Variants in DNM1L observed in about 807,000 individuals in gnomAD.
DNM1L encodes dynamin-1-like protein.
DNM1L carries 33 observed loss-of-function variants against 92.8 expected under a neutral mutation model. The observed-to-expected ratio is 0.36, with a 90% confidence interval of 0.27 to 0.48. The LOEUF (loss-of-function observed/expected upper bound fraction) is 0.48. Ranked by LOEUF, DNM1L falls within the 20% of genes least tolerant of loss-of-function variation. The pLI, the probability that DNM1L is intolerant of heterozygous loss-of-function variation, is 0.99. For synonymous variants in DNM1L, 284 were observed against 305.0 expected (o/e 0.93, Z 0.72); for missense variants, 485 against 888.8 (o/e 0.55, Z 5.78).
chr12:32,718,875 T>C (rs1379152717), intron 7 of DNM1L, 112 bp downstream of exon 7: 1 of 1,411,674 alleles, frequency 7.1e-7, no homozygotes, highest in Non-Finnish European at 1.0e-6. Context: ...TGTGATGCTG[T>C]ACTATATTTT....
At chr12:32,710,803 TA>T (rs989016825) in intron 4 of DNM1L, 125 bp from the exon 5 acceptor site, 49 of 815,008 alleles carry the variant, frequency 6.0e-5, no homozygotes, top group East Asian at 8.4e-5. Flanking sequence ...TTTTGATTGT[TA>T]AAAAAAAGTT....
At chr12:32,718,872 C>G (rs1760795205) in intron 7 of DNM1L, 109 bp downstream of exon 7, 4 of 1,419,870 alleles carry the variant, frequency 2.8e-6, no homozygotes, top group Non-Finnish European at 3.0e-6. Flanking sequence ...AAATGTGATG[C>G]TGTACTATAT....
At chr12:32,729,508 T>G (rs1954400028) in intron 9 of DNM1L, among the ~76,000 whole-genome samples, 1 of 152,212 alleles carries the variant, frequency 6.6e-6, no homozygotes. Flanking sequence ...GAGGCTGGAA[T>G]GCAGTGGCAC....
intron 18 of DNM1L, among the ~76,000 whole-genome samples, chr12:32,741,774 G>A (rs968790066): frequency 1.3e-5 from 2 of 152,162 alleles, no homozygotes; most frequent in African/African-American, 4.8e-5. Context: ...ATTCAGTACA[G>A]TAACATGCTG....
chr12:32,738,305 C>G lies in DNM1L; in HGVS notation c.1707+9C>G. The G allele has an allele frequency of 6.2e-7, 1 of 1,613,536 alleles. No homozygotes were observed. Among genetic ancestry groups the G allele is most frequent in the Non-Finnish European group, 8.5e-7 (1 of 1,179,680 alleles). On this transcript the variant is annotated intron_variant, in intron 16 of 19. Coordinates refer to ENST00000549701, the MANE Select transcript of DNM1L (RefSeq NM_012062.5). ...GAAGAGAAACTAAAAATGTGAGTCT[C>G]TTGCTTCAGAATGGAAATGTTGGTA... is the stretch of plus-strand genomic sequence containing the variant.
chr12:32,681,591 A>G (rs1434412242), intron 1 of DNM1L, among the ~76,000 whole-genome samples: 1 of 12,138 alleles, frequency 8.2e-5, no homozygotes, highest in Non-Finnish European at 1.7e-4. Flanking sequence ...TTTTCTCCCC[A>G]CACCGCCCCC....
At chr12:32,713,811 T>TA (rs994716712) in intron 6 of DNM1L, among the ~76,000 whole-genome samples, 12 of 151,966 alleles carry the variant, frequency 7.9e-5, no homozygotes, top group African/African-American at 2.2e-4. Flanking sequence ...CTCTGTCTGT[T>TA]AAAAAAAACC....
chr12:32,742,339 A>G (rs561785286), intron 18 of DNM1L, among the ~76,000 whole-genome samples: 1 of 152,292 alleles, frequency 6.6e-6, no homozygotes, highest in South Asian at 2.1e-4. Flanking sequence ...CCTGGCCTCA[A>G]GCAGTCCACC....
chr12:32,731,121 T>C lies in DNM1L; in HGVS notation c.1187T>C (p.Ile396Thr). 6.2e-7 allele frequency: 1 copy of C among 1,614,050 alleles called. No individual in the cohort carries two copies. The highest frequency in any genetic ancestry group is 8.5e-7 in the Non-Finnish European group (1 of 1,179,992). ...AACACTATTGACATTTTGACTGCCATTAGAAATGCTACTGTGAGTATGTTT... is the reference window on the plus strand; with the variant it reads ...AACACTATTGACATTTTGACTGCCACTAGAAATGCTACTGTGAGTATGTTT... ...GLNTIDILTA[I>T]RNATGPRPAL... Residue 396 changes from isoleucine to threonine, a missense_variant, in exon 10 of 20, where the codon ATT becomes ACT. Ile to Thr is a moderately conservative substitution (Grantham distance 89). Transcript: ENST00000549701. This position sits in a 1 kb window ranked among gnomAD's most constrained non-coding sequence, Gnocchi z 5.1.
chr12:32,707,810 G>A (rs1952983884), intron 3 of DNM1L, among the ~76,000 whole-genome samples: 1 of 151,932 alleles, frequency 6.6e-6, no homozygotes, highest in Non-Finnish European at 1.5e-5. Context: ...AATTAGCCCC[G>A]CGTGGTGGCA....
chr12:32,726,378 C>T (rs1954139127), intron 9 of DNM1L: 2 of 1,574,770 alleles, frequency 1.3e-6, no homozygotes, highest in East Asian at 2.2e-5. Context: ...ATATATCCTG[C>T]TTCACTGCTG....
intron 1 of DNM1L, among the ~76,000 whole-genome samples, chr12:32,695,295 A>G (rs1952394642): frequency 6.6e-6 from 1 of 152,220 alleles, no homozygotes; most frequent in South Asian, 2.1e-4. Context: ...TTTTTGAAGA[A>G]AAACAAGACC....
In DNM1L at chr12:32,679,405, C is replaced by G; in HGVS notation, c.42C>G (p.Val14=). 6.2e-7 allele frequency: 1 copy of G among 1,613,868 alleles called. No homozygotes were observed. The highest frequency in any genetic ancestry group is 8.5e-7 in the Non-Finnish European group (1 of 1,179,928). Residue 14 remains valine, a synonymous_variant, in exon 1 of 20, where the codon GTC becomes GTG. Coordinates refer to ENST00000549701, the MANE Select transcript of DNM1L (RefSeq NM_012062.5). ...CTGTCATAAACAAGCTCCAGGACGT[C>G]TTCAACACGGTGGGCGCCGACATCA... The part of the protein sequence containing the change: ...LIPVINKLQD[V]FNTVGADIIQ...
At chr12:32,743,052 C>T (rs1265393464) in intron 19 of DNM1L, among the ~76,000 whole-genome samples, 3 of 151,834 alleles carry the variant, frequency 2.0e-5, no homozygotes, top group African/African-American at 7.3e-5. Context: ...CCCACCACCA[C>T]ACCCAGCTAA....
rs1464557197 is a variant in DNM1L, at chr12:32,701,438, A to G, written c.126A>G (p.Leu42=). The change falls in exon 2 of 20, where the codon CTA becomes CTG. Residue 42 remains leucine (L), a synonymous_variant. Coordinates refer to ENST00000549701, the MANE Select transcript of DNM1L (RefSeq NM_012062.5). ...AGAGCAGCGGAAAGAGCTCAGTGCTAGAAAGCCTGGTGGGGAGGGACCTGC... is the reference window on the plus strand; with the variant it reads ...AGAGCAGCGGAAAGAGCTCAGTGCTGGAAAGCCTGGTGGGGAGGGACCTGC... The part of the protein sequence containing the change: ...GTQSSGKSSV[L]ESLVGRDLLP... 2.5e-6 allele frequency: 4 copies of G among 1,613,996 alleles called. No homozygotes were observed. The highest frequency in any genetic ancestry group is 1.3e-5 in the African/African-American group (1 of 74,936).
At position 32,737,096 on chromosome 12, in the gene DNM1L, G is replaced by A. The variant is rs780829993; in HGVS notation, c.1540-9G>A. ...GGATAATCACTTTTGTTTTGCTTGT[G>A]TTTCTTAGGAACAAAGGAGAAACAG... On this transcript the variant is annotated splice_polypyrimidine_tract_variant and intron_variant, in intron 13 of 19. Transcript: ENST00000549701. 1 of 1,613,578 alleles carries A rather than the reference G, an allele frequency of 6.2e-7. No homozygotes were observed. The highest frequency in any genetic ancestry group is 2.2e-5 in the East Asian group (1 of 44,798).
intron 1 of DNM1L, 82 bp downstream of exon 1, chr12:32,679,547 C>A: frequency 2.1e-6 from 3 of 1,446,172 alleles, no homozygotes; most frequent in Non-Finnish European, 2.8e-6. Flanking sequence ...CACTCCCGCG[C>A]CAGCGCCCAC....
At chr12:32,679,594 C>A in intron 1 of DNM1L, 129 bp downstream of exon 1, 1 of 1,432,122 alleles carries the variant, frequency 7.0e-7, no homozygotes, top group South Asian at 1.4e-5. Flanking sequence ...GGAGGAGGGC[C>A]TTGCTGGGGG....
intron 1 of DNM1L, among the ~76,000 whole-genome samples, chr12:32,695,286 T>A (rs958853196): frequency 6.6e-6 from 1 of 152,080 alleles, no homozygotes; most frequent in African/African-American, 2.4e-5. Flanking sequence ...TCATGCAAAT[T>A]TTTGAAGAAA....
Sources: gnomAD v4.1 joint callset for allele counts (sites outside exome capture counted in the v4.1 genomes callset) on GRCh38, gnomAD v4.1.1 for gene constraint, Gnocchi (gnomAD v3.1) non-coding constraint, MANE v1.5 for transcripts, NCBI Gene and HGNC (gene_info 2026-07-23, HGNC 2026-07-21) for gene names.